Variants in TSPAN16 observed in about 807,000 individuals in gnomAD.
TSPAN16 encodes tetraspanin-16.
A neutral mutation model predicts 25.2 loss-of-function variants in TSPAN16; 23 were observed. The observed-to-expected ratio is 0.91, with a 90% CI of 0.66 to 1.29. The LOEUF (loss-of-function observed/expected upper bound fraction) is 1.29, where lower values mean the gene tolerates loss of function less well. Among genes scored for constraint, TSPAN16 ranks in the 50% most tolerant of loss-of-function variants. TSPAN16 has a pLI of 0.00. For missense variants in TSPAN16, 272 were observed against 299.9 expected (o/e 0.91, Z 0.69); for synonymous variants, 123 against 124.4 (o/e 0.99, Z 0.08).
downstream of TSPAN16, among the ~76,000 whole-genome samples, chr19:11,319,200 AG>A (rs35337676): frequency 1.3e-5 from 2 of 152,166 alleles, no homozygotes; most frequent in Non-Finnish European, 2.9e-5. Flanking sequence ...CTACAAAGTC[AG>A]GGGGGGTTCT....
rs768039135 is a variant in TSPAN16 at position 11,301,203 on chromosome 19, T to C, written c.345T>C (p.Val115=). The change falls in exon 4 of 7, where the codon GTT becomes GTC. Residue 115 remains valine, a splice_region_variant and synonymous_variant. Transcript: ENST00000590327. ...ATVVLLFFPI[V]GDVALEHTFV... Reference sequence around the variant, plus strand: ...TCACTTCCTGTCCTCTCTGTGAGGTTGGAGATGTGGCCTTGGAACACACCT... The same window carrying C: ...TCACTTCCTGTCCTCTCTGTGAGGTCGGAGATGTGGCCTTGGAACACACCT... 8 of 1,613,598 alleles carry C rather than the reference T, an allele frequency of 5.0e-6. No individual in the cohort carries two copies. The South Asian group carries it at 8.8e-5, about 18-fold the overall frequency.
chr19:11,298,847 C>G, intron 2 of TSPAN16, 25 bp from the exon 3 acceptor site: 2 of 1,608,970 alleles, frequency 1.2e-6, no homozygotes, highest in Non-Finnish European at 1.7e-6. Context: ...GGCTCCCAGG[C>G]CCTCTCTCCC....
At chr19:11,302,599 ATATT>A (rs1452488148) in intron 4 of TSPAN16, among the ~76,000 whole-genome samples, 1 of 146,034 alleles carries the variant, frequency 6.8e-6, no homozygotes, top group Non-Finnish European at 1.5e-5. Flanking sequence ...ATATACATAT[ATATT>A]TATATACATA....
At chr19:11,309,229 AAAG>A (rs1355994613) in intron 5 of TSPAN16, among the ~76,000 whole-genome samples, 30 of 152,198 alleles carry the variant, frequency 2.0e-4, no homozygotes, top group African/African-American at 2.9e-4. Flanking sequence ...AAAAAAAAAA[AAAG>A]AAGAAGAAAT....
chr19:11,319,965 C>A (rs1001421630), downstream of TSPAN16, among the ~76,000 whole-genome samples: 2 of 152,030 alleles, frequency 1.3e-5, no homozygotes, highest in East Asian at 2.0e-4. Flanking sequence ...CAGGCGCCCG[C>A]CACCACGCCC....
chr19:11,317,970 T>C (rs2080757507), downstream of TSPAN16, among the ~76,000 whole-genome samples: 1 of 152,076 alleles, frequency 6.6e-6, no homozygotes, highest in Non-Finnish European at 1.5e-5. Context: ...TAGATTAGAA[T>C]CACCTGGAAG....
intron 6 of TSPAN16, 196 bp downstream of exon 6, chr19:11,312,418 A>G (rs891777153): frequency 7.7e-5 from 31 of 403,284 alleles, no homozygotes; most frequent in African/African-American, 6.1e-4. Flanking sequence ...AAATATGAAA[A>G]TAAATGAAAT....
chr19:11,301,887 A>C (rs549123766), intron 4 of TSPAN16, among the ~76,000 whole-genome samples: 1 of 150,540 alleles, frequency 6.6e-6, no homozygotes, highest in Non-Finnish European at 1.5e-5. Flanking sequence ...GCAGTGGCGC[A>C]ATCTCAGCTC....
chr19:11,316,955 C>A (rs539335979), downstream of TSPAN16, among the ~76,000 whole-genome samples: 1 of 151,440 alleles, frequency 6.6e-6, no homozygotes, highest in African/African-American at 2.4e-5. Context: ...GGATTACAGG[C>A]GCCTGCCACC....
chr19:11,304,635 C>T (rs2080605650), intron 4 of TSPAN16, among the ~76,000 whole-genome samples: 1 of 151,598 alleles, frequency 6.6e-6, no homozygotes, highest in African/African-American at 2.4e-5. Context: ...TGCCATTCTC[C>T]TGCCTCAGCC....
intron 4 of TSPAN16, among the ~76,000 whole-genome samples, chr19:11,302,686 C>T (rs370026162): frequency 0.049 from 5,609 of 115,316 alleles, 423 homozygotes; most frequent in African/African-American, 0.18. Context: ...TATACACACA[C>T]ACACACACAC....
intron 6 of TSPAN16, among the ~76,000 whole-genome samples, chr19:11,314,973 C>A (rs1317823202): frequency 6.6e-6 from 1 of 152,052 alleles, no homozygotes; most frequent in African/African-American, 2.4e-5. Context: ...CGGTAGTTCA[C>A]GCCTGTAATC....
downstream of TSPAN16, among the ~76,000 whole-genome samples, chr19:11,318,759 G>T (rs1003043111): frequency 3.3e-5 from 5 of 151,752 alleles, no homozygotes; most frequent in African/African-American, 1.2e-4. Context: ...CGATTCTTCT[G>T]CCTCAGCCTC....
At chr19:11,311,032 T>A (rs1238737597) in intron 5 of TSPAN16, among the ~76,000 whole-genome samples, 2 of 152,114 alleles carry the variant, frequency 1.3e-5, no homozygotes, top group Non-Finnish European at 2.9e-5. Context: ...AGACGGGGTT[T>A]CGCTACGTTG....
intron 6 of TSPAN16, 130 bp from the exon 7 acceptor site, chr19:11,315,661 C>T: frequency 1.1e-5 from 7 of 612,464 alleles, no homozygotes; most frequent in Non-Finnish European, 1.7e-5. Flanking sequence ...GGCGGTTCTT[C>T]AGCCATCTGT....
At position 11,298,817 on chromosome 19, in the gene TSPAN16, G is replaced by A. The variant is rs902230008; in HGVS notation, c.268-55G>A. ...ACAACCCCTCACCTGCAGGGTATAA[G>A]GTCGGGAGGAGGCTGAGCAGGCTCC... On this transcript the variant is annotated intron_variant, in intron 2 of 6. Transcript: ENST00000590327. 3.2e-6 allele frequency: 5 copies of A among 1,540,846 alleles called. No individual in the cohort carries two copies. The African/African-American group carries it at 7.0e-5, about 21-fold the overall frequency.
chr19:11,318,224 A>G (rs900897730), downstream of TSPAN16, among the ~76,000 whole-genome samples: 1 of 151,898 alleles, frequency 6.6e-6, no homozygotes, highest in Admixed American at 6.6e-5. Flanking sequence ...ATGGGGTTTC[A>G]CCGTGTTAGC....
In TSPAN16 at chr19:11,301,098, C is replaced by T. The variant is rs79215167; in HGVS notation, c.343-103C>T. 2.7e-3 allele frequency: 2,450 copies of T among 911,302 alleles called. 38 individuals carry two copies. In the African/African-American group the frequency reaches 0.035, roughly 13 times the overall value. 56.5% of individuals were successfully genotyped at this position (911,302 alleles called of 1,614,324 possible). On this transcript the variant is annotated intron_variant, in intron 3 of 6. Coordinates refer to ENST00000590327, the MANE Select transcript of TSPAN16 (RefSeq NM_001282509.2). ...GAGGGTAGGAAAAATGAAGGCAGCA[C>T]GAGGGACGCTCCCACCTCCCACTCT...
chr19:11,308,943 C>G (rs555351569), intron 5 of TSPAN16, among the ~76,000 whole-genome samples: 1 of 152,244 alleles, frequency 6.6e-6, no homozygotes, highest in African/African-American at 2.4e-5. Context: ...AGTGTGGTGA[C>G]ACATGCCTAA....
Sources: allele counts gnomAD v4.1 joint callset (sites outside exome capture counted in the v4.1 genomes callset), GRCh38; gene constraint gnomAD v4.1.1; transcripts MANE v1.5; gene names NCBI Gene and HGNC (gene_info 2026-07-23, HGNC 2026-07-21).